The following CAPN2 variants were observed in gnomAD, a reference collection of about 807,000 sequenced individuals.
The protein encoded by CAPN2 is calpain 2.
A neutral mutation model predicts 102.3 loss-of-function variants in CAPN2; 92 were observed. The ratio of observed to expected loss-of-function variants is 0.90; its 90% CI spans 0.76 to 1.07. The LOEUF (loss-of-function observed/expected upper bound fraction) is 1.07, where lower values mean the gene tolerates loss of function less well. Ranked by LOEUF, CAPN2 falls within the 50% of genes least tolerant of loss-of-function variation. The probability of loss-of-function intolerance (pLI) is 0.00; values close to 1 mark genes in which losing one functional copy is unlikely to be tolerated. For missense variants in CAPN2, 800 were observed against 909.4 expected (o/e 0.88, Z 1.55); for synonymous variants, 340 against 355.4 (o/e 0.96, Z 0.49).
At chr1:223,763,387 TGA>T (rs1463423190) in intron 14 of CAPN2, among the ~76,000 whole-genome samples, 1 of 152,168 alleles carries the variant, frequency 6.6e-6, no homozygotes, top group East Asian at 1.9e-4. Flanking sequence ...AAAGGGGCCA[TGA>T]GAGTCTTCTT....
chr1:223,768,628 C>T (rs1170696267), intron 16 of CAPN2, among the ~76,000 whole-genome samples: 4 of 151,454 alleles, frequency 2.6e-5, no homozygotes, highest in African/African-American at 9.7e-5. Context: ...TGTGATGCCT[C>T]CAGCTTTGTT....
At position 223,702,105 on chromosome 1, in the gene CAPN2, A is replaced by AGAAGGAAGGAAGGAAGGAAG. The variant is rs372361537; in HGVS notation, c.3+286_3+305dup. On this transcript the variant is annotated intron_variant, in intron 1 of 20. Transcript: ENST00000433674. ...AGGGAGGGAGGGAGGAAAGAAGGAA[A>AGAAGGAAGGAAGGAAGGAAG]GAAGGAAGGAAGGAAGGAAGGAAGG... Among the ~76,000 whole-genome samples, 836 of 84,528 alleles carry AGAAGGAAGGAAGGAAGGAAG rather than the reference A, an allele frequency of 9.9e-3. 26 individuals carry two copies. The highest frequency in any genetic ancestry group is 0.04 in the African/African-American group (735 of 18,314). 55.5% of individuals were successfully genotyped at this position (84,528 alleles called of 152,430 possible).
chr1:223,730,124 A>T (rs566493844), intron 2 of CAPN2, among the ~76,000 whole-genome samples: 15 of 151,640 alleles, frequency 9.9e-5, no homozygotes, highest in Non-Finnish European at 1.9e-4. Flanking sequence ...ATGAAGTCTC[A>T]CAGAGGGCCA....
intron 1 of CAPN2, among the ~76,000 whole-genome samples, chr1:223,703,926 C>G (rs948065790): frequency 6.6e-6 from 1 of 152,162 alleles, no homozygotes; most frequent in East Asian, 1.9e-4. Flanking sequence ...ACCACACACT[C>G]ACATCCACAC....
At chr1:223,757,478 C>A in intron 11 of CAPN2, 98 bp downstream of exon 11, 2 of 1,378,658 alleles carry the variant, frequency 1.5e-6, no homozygotes, top group Non-Finnish European at 1.0e-6. Flanking sequence ...CGGGCAGGGG[C>A]TGGTGGTCAT....
Position 223,727,268 on chromosome 1 carries a change from G to T in CAPN2, c.307+9437G>T, listed in dbSNP as rs185891211. ...AAGAAATATAACGCAAAACAGGTAC[G>T]ATTTGAGATCCATCAGGGTTTCTCA... On this transcript the variant is annotated intron_variant, in intron 2 of 20. Coordinates refer to ENST00000295006, the MANE Select transcript of CAPN2 (RefSeq NM_001748.5). This position sits in a 1 kb window ranked among gnomAD's most constrained non-coding sequence, Gnocchi z 4.1. 6.6e-6 allele frequency among the ~76,000 whole-genome samples: 1 copy of T among 152,218 alleles called. No individual in the cohort carries two copies. Among genetic ancestry groups the T allele is most frequent in the Non-Finnish European group, 1.5e-5 (1 of 68,046 alleles).
chr1:223,734,426 C>G (rs1374904905), intron 2 of CAPN2, among the ~76,000 whole-genome samples: 1 of 152,168 alleles, frequency 6.6e-6, no homozygotes, highest in African/African-American at 2.4e-5. Context: ...GCTGGGACCA[C>G]AGGCACACAC....
At position 223,759,455 on chromosome 1, in the gene CAPN2, C is replaced by G; in HGVS notation, c.1503C>G (p.Val501=). The G allele has an allele frequency of 6.2e-7, 1 of 1,614,102 alleles. No homozygotes were observed. The highest frequency in any genetic ancestry group is 8.5e-7 in the Non-Finnish European group (1 of 1,180,020). ...PNKDGDFCIR[V]FSEKKADYQA... is the part of the protein sequence containing the mutation. ...AGGATGGGGATTTCTGCATCCGGGT[C>G]TTTTCTGAAAAGAAAGCTGACTACC... Residue 501 remains valine, a synonymous_variant, in exon 12 of 21, where the codon GTC becomes GTG. Coordinates refer to ENST00000295006, the MANE Select transcript of CAPN2 (RefSeq NM_001748.5). This position sits in a 1 kb window ranked among gnomAD's most constrained non-coding sequence, Gnocchi z 4.6.
rs186855683 is a variant in CAPN2 at position 223,761,932 on chromosome 1, G to A, written c.1567-254G>A. Among the ~76,000 whole-genome samples, 6 of 152,240 alleles carry A rather than the reference G, an allele frequency of 3.9e-5. No homozygotes were observed. The East Asian group carries it at 1.2e-3, about 29-fold the overall frequency. ...GCCATTTTAATTGGATGCTAGAGAA[G>A]ATACCTCTGTGAGAAATTAGAATAT... On this transcript the variant is annotated intron_variant, in intron 13 of 20. Transcript: ENST00000295006.
Position 223,747,105 on chromosome 1 carries a change from C to T in CAPN2, c.669C>T (p.Asn223=), listed in dbSNP as rs1485717978. 6.2e-7 allele frequency: 1 copy of T among 1,614,086 alleles called. No homozygotes were observed. Among genetic ancestry groups the T allele is most frequent in the Admixed American group, 1.7e-5 (1 of 60,018 alleles). The change falls in exon 5 of 21, where the codon AAC becomes AAT. Residue 223 remains asparagine (N), a synonymous_variant. Coordinates refer to ENST00000295006, the MANE Select transcript of CAPN2 (RefSeq NM_001748.5). ...EWYELKKPPP[N]LFKIIQKALQ... Reference sequence around the variant, plus strand: ...ATGAGTTGAAGAAGCCCCCTCCCAACCTGTTCAAGATCATCCAGAAAGCTC... The same window carrying T: ...ATGAGTTGAAGAAGCCCCCTCCCAATCTGTTCAAGATCATCCAGAAAGCTC...
At chr1:223,763,503 T>C (rs1447851753) in intron 14 of CAPN2, among the ~76,000 whole-genome samples, 1 of 152,136 alleles carries the variant, frequency 6.6e-6, no homozygotes, top group African/African-American at 2.4e-5. Flanking sequence ...TACACAAATA[T>C]GTGTAAGTGG....
chr1:223,753,739 AAC>A (rs1346790834), intron 9 of CAPN2, among the ~76,000 whole-genome samples: 1 of 152,250 alleles, frequency 6.6e-6, no homozygotes, highest in African/African-American at 2.4e-5. Context: ...TCGCAGTCAA[AAC>A]ACAGTCAAAA....
intron 1 of CAPN2, among the ~76,000 whole-genome samples, chr1:223,704,120 G>A (rs745657554): frequency 4.6e-5 from 7 of 151,986 alleles, no homozygotes; most frequent in South Asian, 4.1e-4. Context: ...GTGAAACCCC[G>A]TCTCTACTAA....
intron 2 of CAPN2, among the ~76,000 whole-genome samples, chr1:223,737,332 T>C (rs1310038822): frequency 6.6e-6 from 1 of 152,168 alleles, no homozygotes; most frequent in Non-Finnish European, 1.5e-5. Flanking sequence ...GTCAAGCCCG[T>C]GGTCAGGACC....
Position 223,717,793 on chromosome 1 carries a change from G to T in CAPN2, c.269G>T (p.Gly90Val), listed in dbSNP as rs769470531. The T allele has an allele frequency of 6.2e-7, 1 of 1,614,002 alleles. No homozygotes were observed. ...TGCGCTGACCCCCAGTTTATCATTG[G>T]AGGAGCCACCCGCACAGACATCTGC... is the stretch of plus-strand genomic sequence containing the variant. ...EICADPQFII[G>V]GATRTDICQG... The change falls in exon 2 of 21, where the codon GGA (glycine) becomes GTA (valine). Residue 90 changes from glycine (G) to valine (V), a missense_variant. Gly to Val is a moderately radical substitution (Grantham distance 109). Coordinates refer to ENST00000295006, the MANE Select transcript of CAPN2 (RefSeq NM_001748.5).
In CAPN2 at chr1:223,754,878, C is replaced by A. The variant is rs1034322396; in HGVS notation, c.1136-602C>A. Among the ~76,000 whole-genome samples, 1 of 152,106 alleles carries A rather than the reference C, an allele frequency of 6.6e-6. No homozygotes were observed. Among genetic ancestry groups the A allele is most frequent in the Non-Finnish European group, 1.5e-5 (1 of 68,012 alleles). ...CCCCCAGGCCAGCCGAGCCCCGCCC[C>A]AGGCTCCCCATCAGAGCCCAGTGAA... On this transcript the variant is annotated intron_variant, in intron 9 of 20. Coordinates refer to ENST00000295006, the MANE Select transcript of CAPN2 (RefSeq NM_001748.5). This position sits in a 1 kb window ranked among gnomAD's most constrained non-coding sequence, Gnocchi z 4.7.
intron 15 of CAPN2, among the ~76,000 whole-genome samples, chr1:223,765,680 A>G (rs1260083003): frequency 6.7e-6 from 1 of 149,590 alleles, no homozygotes; most frequent in Non-Finnish European, 1.5e-5. Context: ...GTCTGCATGC[A>G]CAGCTGCTGG....
Position 223,759,075 on chromosome 1 carries a change from TGTC to T in CAPN2, c.1318-189_1318-187del, listed in dbSNP as rs1359800378. 6.6e-6 allele frequency: 4 copies of T among 607,602 alleles called. No individual in the cohort carries two copies. In the Admixed American group the frequency reaches 1.2e-4, roughly 18 times the overall value. 37.6% of individuals were successfully genotyped at this position (607,602 alleles called of 1,614,324 possible). ...AAAAATTTTGTTGTTTTGTTGTTGTTGTCGTCGTTATATAGATGAGGGCTTCCT... is the reference window on the plus strand; with the variant it reads ...AAAAATTTTGTTGTTTTGTTGTTGTTGTCGTTATATAGATGAGGGCTTCCT... On this transcript the variant is annotated intron_variant, in intron 11 of 20. Transcript: ENST00000295006. The surrounding 1 kb of genome is among the most constrained non-coding windows in gnomAD (Gnocchi z 4.6).
At position 223,747,020 on chromosome 1, in the gene CAPN2, T is replaced by C. The variant is rs757492985; in HGVS notation, c.584T>C (p.Leu195Pro). 1 of 1,613,882 alleles carries C rather than the reference T, an allele frequency of 6.2e-7. No homozygotes were observed. Among genetic ancestry groups the C allele is most frequent in the Admixed American group, 1.7e-5 (1 of 60,004 alleles). ...YAKINGCYEALSGGATTEGFE... is the reference protein window; with the variant it reads ...YAKINGCYEAPSGGATTEGFE... The stretch of plus-strand genomic sequence containing the variant: ...AGGATCAACGGATGCTATGAAGCGC[T>C]ATCAGGGGGTGCCACCACTGAGGGC... The change falls in exon 5 of 21, where the codon CTA becomes CCA. Residue 195 changes from leucine (L) to proline (P), a missense_variant. By Grantham distance (98) the Leu-to-Pro change is moderately conservative. Transcript: ENST00000295006.
Sources: gnomAD v4.1 joint callset for allele counts (sites outside exome capture counted in the v4.1 genomes callset) on GRCh38, gnomAD v4.1.1 for gene constraint, Gnocchi (gnomAD v3.1) non-coding constraint, MANE v1.5 for transcripts, NCBI Gene and HGNC (gene_info 2026-07-23, HGNC 2026-07-21) for gene names.